Variants in ST18 observed in about 807,000 individuals in gnomAD.
The protein encoded by ST18 is suppression of tumorigenicity 18 protein.
Under a neutral mutation model 110.0 loss-of-function variants are expected in ST18, and 50 were observed. The observed-to-expected ratio is 0.45, with a 90% CI of 0.36 to 0.58. The LOEUF (loss-of-function observed/expected upper bound fraction) is 0.58. Ranked by LOEUF, ST18 falls within the 20% of genes least tolerant of loss-of-function variation. The probability of loss-of-function intolerance (pLI) is 0.00; values close to 1 mark genes in which losing one functional copy is unlikely to be tolerated. For missense variants in ST18, 1,306 were observed against 1,280.1 expected (o/e 1.02, Z -0.31); for synonymous variants, 461 against 452.4 (o/e 1.02, Z -0.24).
At chr8:52,213,356 G>C (rs918338782) in intron 7 of ST18, among the ~76,000 whole-genome samples, 19 of 150,918 alleles carry the variant, frequency 1.3e-4, no homozygotes, top group Non-Finnish European at 2.2e-4. Context: ...CATTCCATTT[G>C]ATCAGCCGCT....
Position 52,281,942 on chromosome 8 carries a change from G to T in ST18, c.-464-51865C>A, listed in dbSNP as rs1359248066. Among the ~76,000 whole-genome samples, 5 of 152,146 alleles carry T rather than the reference G, an allele frequency of 3.3e-5. No homozygotes were observed. In the East Asian group the frequency reaches 9.6e-4, roughly 29 times the overall value. On this transcript the variant is annotated intron_variant, in intron 2 of 25. Coordinates refer to ENST00000689386, the MANE Select transcript of ST18 (RefSeq NM_001352837.2). ...TATAAGACTACACATTGGGTACAACGTACACTGCTTAGATGGCGGGTGCAC... is the reference window on the plus strand; with the variant it reads ...TATAAGACTACACATTGGGTACAACTTACACTGCTTAGATGGCGGGTGCAC...
intron 2 of ST18, among the ~76,000 whole-genome samples, chr8:52,327,860 G>T (rs1489585261): frequency 6.6e-6 from 1 of 152,208 alleles, no homozygotes; most frequent in Non-Finnish European, 1.5e-5. Context: ...CATTTTAGCT[G>T]TAATTCAGGC....
intron 2 of ST18, among the ~76,000 whole-genome samples, chr8:52,370,596 A>G (rs1372344549): frequency 6.6e-6 from 1 of 152,202 alleles, no homozygotes; most frequent in East Asian, 1.9e-4. Flanking sequence ...AACTACAAGT[A>G]TACAGATTTT....
intron 2 of ST18, 94 bp downstream of exon 2, chr8:52,409,234 C>A (rs907709571): frequency 6.6e-6 from 1 of 152,246 alleles, no homozygotes; most frequent in African/African-American, 2.4e-5. Context: ...CTCCTCCTTG[C>A]GCATCTTGCG....
chr8:52,165,340 G>GCT, intron 11 of ST18, 115 bp from the exon 12 acceptor site: 46 of 939,174 alleles, frequency 4.9e-5, no homozygotes, highest in Non-Finnish European at 6.1e-5. Context: ...CATCCACCAT[G>GCT]CTCTCTCTCT....
intron 2 of ST18, among the ~76,000 whole-genome samples, chr8:52,303,342 A>T (rs2095760217): frequency 6.6e-6 from 1 of 152,086 alleles, no homozygotes; most frequent in Non-Finnish European, 1.5e-5. Flanking sequence ...TCGTCCCTTT[A>T]TGTTTGTGTT....
At chr8:52,277,949 A>C (rs1357130828) in intron 2 of ST18, among the ~76,000 whole-genome samples, 11 of 152,196 alleles carry the variant, frequency 7.2e-5, no homozygotes, top group Admixed American at 7.2e-4. Flanking sequence ...AAAATGGGTA[A>C]TTGGAGTCAA....
intron 24 of ST18, among the ~76,000 whole-genome samples, 183 bp from the exon 25 acceptor site, chr8:52,116,601 C>T (rs1471624576): frequency 6.6e-6 from 1 of 152,184 alleles, no homozygotes; most frequent in Non-Finnish European, 1.5e-5. Flanking sequence ...AATCAAATCC[C>T]CAAATTTTCA....
chr8:52,184,575 C>T lies in ST18; in HGVS notation c.87-4263G>A, dbSNP rs1368123976. ...TAGATAACACTAGTGATCAATTCTG[C>T]ACTGGAAGTATGTTTAGAAGTCAAA... is the stretch of plus-strand genomic sequence containing the variant. On this transcript the variant is annotated intron_variant, in intron 8 of 25. Coordinates refer to ENST00000689386, the MANE Select transcript of ST18 (RefSeq NM_001352837.2). Among the ~76,000 whole-genome samples, 3 of 152,126 alleles carry T rather than the reference C, an allele frequency of 2.0e-5. No individual in the cohort carries two copies. In the East Asian group the frequency reaches 5.8e-4, roughly 29 times the overall value.
chr8:52,357,701 A>C (rs1485338347), intron 2 of ST18, among the ~76,000 whole-genome samples: 2 of 110,162 alleles, frequency 1.8e-5, no homozygotes, highest in South Asian at 2.9e-4. Flanking sequence ...ATATATATAT[A>C]TATATATATA....
intron 2 of ST18, among the ~76,000 whole-genome samples, chr8:52,325,967 C>T (rs980467242): frequency 1.3e-4 from 20 of 152,182 alleles, no homozygotes; most frequent in Non-Finnish European, 2.8e-4. Context: ...CTGTAAGCTG[C>T]TTCTGAGATG....
chr8:52,207,685 G>T (rs187046451), intron 8 of ST18, among the ~76,000 whole-genome samples: 1 of 152,048 alleles, frequency 6.6e-6, no homozygotes, highest in South Asian at 2.1e-4. Flanking sequence ...TGACAAATTG[G>T]TACACAGCAA....
At chr8:52,271,622 C>G (rs899452200) in intron 2 of ST18, among the ~76,000 whole-genome samples, 7 of 152,178 alleles carry the variant, frequency 4.6e-5, no homozygotes, top group Admixed American at 2.0e-4. Flanking sequence ...TCCACCCATG[C>G]GTTATTAATA....
At chr8:52,284,567 C>T (rs1221904227) in intron 2 of ST18, among the ~76,000 whole-genome samples, 2 of 152,060 alleles carry the variant, frequency 1.3e-5, no homozygotes, top group African/African-American at 2.4e-5. Flanking sequence ...ACCTGTCCCA[C>T]CAGGGTGGAG....
chr8:52,315,139 T>C (rs991975791), intron 2 of ST18, among the ~76,000 whole-genome samples: 4 of 152,156 alleles, frequency 2.6e-5, no homozygotes, highest in African/African-American at 9.7e-5. Context: ...CTAAAACAAT[T>C]AAAGTAGTGT....
intron 2 of ST18, among the ~76,000 whole-genome samples, chr8:52,389,257 G>A (rs964397643): frequency 6.6e-6 from 1 of 152,158 alleles, no homozygotes; most frequent in African/African-American, 2.4e-5. Flanking sequence ...CCCGGCAGGC[G>A]GAAAAGGTGT....
chr8:52,258,477 T>G (rs1292260505), intron 2 of ST18, among the ~76,000 whole-genome samples: 1 of 152,234 alleles, frequency 6.6e-6, no homozygotes, highest in Non-Finnish European at 1.5e-5. Context: ...GTGTTCAGAG[T>G]TAAGGTTTAC....
chr8:52,338,256 C>A (rs926129031), intron 2 of ST18, among the ~76,000 whole-genome samples: 2 of 152,092 alleles, frequency 1.3e-5, no homozygotes, highest in East Asian at 3.9e-4. Flanking sequence ...TAGAGTTTCA[C>A]CATGTTGGCC....
intron 8 of ST18, among the ~76,000 whole-genome samples, chr8:52,185,585 C>G (rs996227320): frequency 6.6e-6 from 1 of 151,930 alleles, no homozygotes; most frequent in South Asian, 2.1e-4. Context: ...AAAAACAGAC[C>G]AATGGAACAG....
Sources: gnomAD v4.1 joint callset for allele counts (sites outside exome capture counted in the v4.1 genomes callset) on GRCh38, gnomAD v4.1.1 for gene constraint, MANE v1.5 for transcripts, NCBI Gene and HGNC (gene_info 2026-07-23, HGNC 2026-07-21) for gene names.